Variants in CNTNAP5 observed in about 807,000 individuals in gnomAD.
CNTNAP5 encodes the protein contactin-associated protein-like 5.
In CNTNAP5, 72 loss-of-function variants were observed where a neutral mutation model predicts 150.2. That is an observed-to-expected ratio of 0.48 (90% confidence interval 0.40 to 0.58). The LOEUF (loss-of-function observed/expected upper bound fraction) is 0.58. Among genes scored for constraint, CNTNAP5 ranks in the 20% least tolerant of loss-of-function variants. The pLI is 0.00. For synonymous variants in CNTNAP5, 672 were observed against 619.8 expected, an observed-to-expected ratio of 1.08 and a Z score of -1.25; for missense variants, 1,636 against 1,626.2, an observed-to-expected ratio of 1.01 and a Z score of -0.10.
intron 1 of CNTNAP5, among the ~76,000 whole-genome samples, chr2:124,045,058 T>A (rs1232983441): frequency 6.6e-6 from 1 of 152,142 alleles, no homozygotes; most frequent in African/African-American, 2.4e-5. Flanking sequence ...CAGGAAACTT[T>A]CAAATAAAAC....
At chr2:124,225,669 C>T (rs1403889400) in intron 2 of CNTNAP5, among the ~76,000 whole-genome samples, 1 of 152,130 alleles carries the variant, frequency 6.6e-6, no homozygotes, top group Non-Finnish European at 1.5e-5. Context: ...AAAAGTCAAG[C>T]ATACAATAGA....
chr2:124,385,552 T>A (rs1477518759), intron 3 of CNTNAP5, among the ~76,000 whole-genome samples: 1 of 152,230 alleles, frequency 6.6e-6, no homozygotes, highest in Admixed American at 6.5e-5. Context: ...TCTTCCTTTT[T>A]TATAACTCTA....
At chr2:124,838,526 T>C (rs111298681) in intron 19 of CNTNAP5, among the ~76,000 whole-genome samples, 2,480 of 152,294 alleles carry the variant, frequency 0.016, 61 homozygotes, top group African/African-American at 0.056. Flanking sequence ...GACTAGTCTT[T>C]CAGCTGGTGA....
intron 5 of CNTNAP5, among the ~76,000 whole-genome samples, chr2:124,443,023 A>G (rs11123045): frequency 0.98 from 148,995 of 152,058 alleles, 73,073 homozygotes; most frequent in East Asian, 1. Context: ...ATTTGGCAGT[A>G]TTTGCAAAAT....
At chr2:124,028,294 G>T (rs1337658133) in intron 1 of CNTNAP5, among the ~76,000 whole-genome samples, 1 of 81,320 alleles carries the variant, frequency 1.2e-5, no homozygotes, top group Non-Finnish European at 2.3e-5. Flanking sequence ...TTACTATGGT[G>T]TGGTGTGTAT....
At chr2:124,188,857 C>T (rs571720405) in intron 1 of CNTNAP5, among the ~76,000 whole-genome samples, 41 of 152,122 alleles carry the variant, frequency 2.7e-4, no homozygotes, top group African/African-American at 9.6e-4. Flanking sequence ...CTGACATTGT[C>T]ATGCTTCAGA....
chr2:124,072,510 A>G (rs1682331134), intron 1 of CNTNAP5, among the ~76,000 whole-genome samples: 1 of 152,068 alleles, frequency 6.6e-6, no homozygotes, highest in Non-Finnish European at 1.5e-5. Context: ...ATTAGAACTG[A>G]TAAACAAATT....
chr2:124,267,247 C>T (rs540150793), intron 3 of CNTNAP5, among the ~76,000 whole-genome samples: 179 of 152,204 alleles, frequency 1.2e-3, no homozygotes, highest in African/African-American at 4.0e-3. Context: ...GAGTCTTGAA[C>T]GGAGTGGATA....
At chr2:124,408,157 A>T (rs1162653772) in intron 3 of CNTNAP5, among the ~76,000 whole-genome samples, 2 of 152,198 alleles carry the variant, frequency 1.3e-5, no homozygotes, top group Non-Finnish European at 2.9e-5. Context: ...CTCCCACCCG[A>T]ATACTGCGCT....
chr2:124,408,151 C>T (rs573738765), intron 3 of CNTNAP5, among the ~76,000 whole-genome samples: 2 of 152,314 alleles, frequency 1.3e-5, no homozygotes, highest in African/African-American at 4.8e-5. Context: ...GGGTCACTCC[C>T]ACCCGAATAC....
intron 1 of CNTNAP5, among the ~76,000 whole-genome samples, chr2:124,119,429 C>T (rs573729873): frequency 8.4e-4 from 126 of 149,646 alleles, no homozygotes; most frequent in Non-Finnish European, 1.4e-3. Context: ...TTACTAGGCA[C>T]TTAGTATGTA....
At chr2:124,336,624 G>A (rs555769789) in intron 3 of CNTNAP5, among the ~76,000 whole-genome samples, 6 of 148,380 alleles carry the variant, frequency 4.0e-5, no homozygotes, top group Admixed American at 3.4e-4. Flanking sequence ...AACACGCAGT[G>A]TTTGGTTTTT....
chr2:124,651,269 T>C (rs1573523280), intron 13 of CNTNAP5, among the ~76,000 whole-genome samples: 1 of 152,168 alleles, frequency 6.6e-6, no homozygotes, highest in African/African-American at 2.4e-5. Context: ...TGGCTGCAGG[T>C]GCATTTAAAT....
At position 124,273,510 on chromosome 2, in the gene CNTNAP5, A is replaced by T. The variant is rs118016902; in HGVS notation, c.381+31117A>T. 4.5e-4 allele frequency among the ~76,000 whole-genome samples: 69 copies of T among 152,204 alleles called. No homozygotes were observed. The East Asian group carries it at 0.012, about 26-fold the overall frequency. The stretch of plus-strand genomic sequence containing the variant: ...TTTCCTTCTCCATCTTCCCCTTACA[A>T]TTAGAGTTTCAGACCAGAATCCCTA... On this transcript the variant is annotated intron_variant, in intron 3 of 23. Transcript: ENST00000682447.
At chr2:124,402,443 C>T (rs1247944137) in intron 3 of CNTNAP5, among the ~76,000 whole-genome samples, 1 of 152,172 alleles carries the variant, frequency 6.6e-6, no homozygotes, top group Admixed American at 6.5e-5. Context: ...AGGGAGAGAA[C>T]ATGAGCACGT....
At chr2:124,699,985 G>A (rs113583495) in intron 13 of CNTNAP5, among the ~76,000 whole-genome samples, 21 of 152,258 alleles carry the variant, frequency 1.4e-4, no homozygotes, top group African/African-American at 4.6e-4. Context: ...ATGAAACCCT[G>A]TACTTGTTAG....
intron 3 of CNTNAP5, among the ~76,000 whole-genome samples, chr2:124,398,808 G>A (rs778593080): frequency 1.3e-5 from 2 of 152,188 alleles, no homozygotes; most frequent in Admixed American, 1.3e-4. Flanking sequence ...TAATGAACTC[G>A]CTTGTCAGAT....
chr2:124,571,525 TTC>T (rs1491034112), intron 11 of CNTNAP5, among the ~76,000 whole-genome samples: 4 of 75,222 alleles, frequency 5.3e-5, no homozygotes, highest in African/African-American at 1.4e-4. Flanking sequence ...TTTTTCTTTT[TTC>T]TTTTTTTTTT....
chr2:124,397,172 G>A (rs1241286269), intron 3 of CNTNAP5, among the ~76,000 whole-genome samples: 1 of 152,142 alleles, frequency 6.6e-6, no homozygotes, highest in Non-Finnish European at 1.5e-5. Context: ...TTTCTATTTA[G>A]ATTGTGTGAT....
Sources: allele counts gnomAD v4.1 joint callset (sites outside exome capture counted in the v4.1 genomes callset), GRCh38; gene constraint gnomAD v4.1.1; transcripts MANE v1.5; gene names NCBI Gene and HGNC (gene_info 2026-07-23, HGNC 2026-07-21).